The following ACOXL variants were observed in gnomAD, a reference collection of about 807,000 sequenced individuals.
ACOXL encodes the protein acyl-coenzyme A oxidase-like protein.
Under a neutral mutation model 71.9 loss-of-function variants are expected in ACOXL, and 70 were observed. That is an observed-to-expected ratio of 0.97 (90% confidence interval 0.80 to 1.19). The LOEUF is 1.19. Among genes scored for constraint, ACOXL ranks in the 50% most tolerant of loss-of-function variants. The pLI, the probability that ACOXL is intolerant of heterozygous loss-of-function variation, is 0.00. For missense variants in ACOXL, 703 were observed against 736.3 expected (o/e 0.95, Z 0.52); for synonymous variants, 253 against 281.6 (o/e 0.90, Z 1.02).
At chr2:111,093,675 G>A in intron 17 of ACOXL, 1 of 739,286 alleles carries the variant, frequency 1.4e-6, no homozygotes, top group Non-Finnish European at 2.1e-6. Context: ...CACCATCTTG[G>A]GCAACATGGT....
At chr2:110,856,166 T>C (rs1456466796) in intron 10 of ACOXL, among the ~76,000 whole-genome samples, 2 of 152,186 alleles carry the variant, frequency 1.3e-5, no homozygotes, top group African/African-American at 2.4e-5. Flanking sequence ...AGAATGCTAA[T>C]TGGTGCATTT....
chr2:110,756,023 A>G (rs766274075), intron 1 of ACOXL, among the ~76,000 whole-genome samples: 2 of 141,648 alleles, frequency 1.4e-5, no homozygotes, highest in African/African-American at 3.2e-5. Context: ...GAATAGACCT[A>G]TAATTAGAAT....
intron 9 of ACOXL, among the ~76,000 whole-genome samples, chr2:110,826,042 A>G (rs1689127695): frequency 1.3e-5 from 2 of 152,262 alleles, no homozygotes; most frequent in African/African-American, 2.4e-5. Flanking sequence ...AGTGACAGCC[A>G]CAACAACCCC....
chr2:110,933,675 C>T (rs767530781), intron 12 of ACOXL, 33 bp downstream of exon 12: 1 of 1,587,382 alleles, frequency 6.3e-7, no homozygotes, highest in South Asian at 1.1e-5. Context: ...CCCGTGGGTC[C>T]CCACGATACA....
chr2:111,010,843 C>T (rs536651685), intron 14 of ACOXL, among the ~76,000 whole-genome samples: 66 of 152,178 alleles, frequency 4.3e-4, no homozygotes, highest in African/African-American at 1.6e-3. Context: ...TGAATCCAGT[C>T]GTGTGTGCAT....
At chr2:110,976,371 G>T (rs1458371198) in intron 12 of ACOXL, among the ~76,000 whole-genome samples, 6 of 152,216 alleles carry the variant, frequency 3.9e-5, no homozygotes, top group African/African-American at 1.4e-4. Flanking sequence ...ACACTGAGTG[G>T]CAAGGGCCTA....
At chr2:110,785,437 A>G (rs1307229597) in intron 3 of ACOXL, among the ~76,000 whole-genome samples, 1 of 151,292 alleles carries the variant, frequency 6.6e-6, no homozygotes, top group African/African-American at 2.4e-5. Context: ...AGATTCATGT[A>G]ACCACCACCA....
chr2:111,012,740 T>C (rs1378194187), intron 14 of ACOXL, among the ~76,000 whole-genome samples: 1 of 152,228 alleles, frequency 6.6e-6, no homozygotes, highest in Non-Finnish European at 1.5e-5. Flanking sequence ...AATTAGAGAA[T>C]ATTTCAAACT....
chr2:111,089,292 G>A lies in ACOXL; in HGVS notation c.1441-3573G>A, dbSNP rs148045626. Among the ~76,000 whole-genome samples, 601 of 151,560 alleles carry A rather than the reference G, an allele frequency of 4.0e-3. 3 individuals are homozygous for A. The highest frequency in any genetic ancestry group is 0.014 in the African/African-American group (562 of 41,316). ...CAGCCTGGCGATAGACCGAGACTCC[G>A]TCTCAAAAACAAACAAACAAACAAA... On this transcript the variant is annotated intron_variant, in intron 16 of 17. Coordinates refer to ENST00000439055, the MANE Select transcript of ACOXL (RefSeq NM_001142807.4).
At chr2:110,923,055 G>A (rs183441492) in intron 11 of ACOXL, among the ~76,000 whole-genome samples, 58 of 152,198 alleles carry the variant, frequency 3.8e-4, no homozygotes, top group Non-Finnish European at 4.0e-4. Flanking sequence ...TCACAGTAGG[G>A]GGTTGACCCA....
At chr2:111,060,566 G>A (rs1456434513) in intron 16 of ACOXL, among the ~76,000 whole-genome samples, 1 of 152,140 alleles carries the variant, frequency 6.6e-6, no homozygotes, top group Non-Finnish European at 1.5e-5. Context: ...ATAAGATCCA[G>A]AATTTCATCA....
At chr2:110,768,249 G>A in intron 1 of ACOXL, 119 bp from the exon 2 acceptor site, 1 of 719,978 alleles carries the variant, frequency 1.4e-6, no homozygotes. Flanking sequence ...AGTGTGCACA[G>A]TATCAAACAA....
chr2:110,746,201 C>A (rs776958665), intron 1 of ACOXL, among the ~76,000 whole-genome samples: 1 of 152,090 alleles, frequency 6.6e-6, no homozygotes, highest in East Asian at 1.9e-4. Context: ...CAGGGGACTC[C>A]GATTGCCGTC....
chr2:111,023,892 G>A (rs1041840200), intron 14 of ACOXL, among the ~76,000 whole-genome samples: 2 of 152,134 alleles, frequency 1.3e-5, no homozygotes, highest in African/African-American at 4.8e-5. Context: ...GTGGGTGGCT[G>A]GGCCAAGAGA....
At chr2:110,823,921 T>C (rs889934550) in intron 9 of ACOXL, among the ~76,000 whole-genome samples, 1 of 152,242 alleles carries the variant, frequency 6.6e-6, no homozygotes, top group Non-Finnish European at 1.5e-5. Flanking sequence ...ATCTCTGGCT[T>C]TTTATTGTCT....
intron 12 of ACOXL, chr2:110,968,524 G>A (rs72944287): frequency 0.034 from 43,408 of 1,264,616 alleles, 3,257 homozygotes; most frequent in East Asian, 0.33. Context: ...AAAGAACAGC[G>A]TAACTCCAGA....
intron 10 of ACOXL, chr2:110,888,109 AC>A (rs1400215034): frequency 1.3e-5 from 2 of 152,210 alleles, no homozygotes; most frequent in East Asian, 1.9e-4. Context: ...TATAGTCAAT[AC>A]AATCTCAGGC....
At chr2:111,055,689 C>T (rs1227696184) in intron 16 of ACOXL, among the ~76,000 whole-genome samples, 1 of 152,190 alleles carries the variant, frequency 6.6e-6, no homozygotes, top group Non-Finnish European at 1.5e-5. Flanking sequence ...GATTGGGCCT[C>T]CACATGGAAA....
intron 12 of ACOXL, among the ~76,000 whole-genome samples, chr2:110,936,485 C>A (rs1445369156): frequency 1.3e-5 from 2 of 151,092 alleles, no homozygotes; most frequent in African/African-American, 4.9e-5. Context: ...TGGTTTCAAA[C>A]TCCTGGCCTC....
Sources: gnomAD v4.1 joint callset for allele counts (sites outside exome capture counted in the v4.1 genomes callset) on GRCh38, gnomAD v4.1.1 for gene constraint, MANE v1.5 for transcripts, NCBI Gene and HGNC (gene_info 2026-07-23, HGNC 2026-07-21) for gene names.